Variants in C6orf132 observed in about 807,000 individuals in gnomAD.
The protein encoded by C6orf132 is chromosome 6 open reading frame 132.
Under a neutral mutation model 65.3 loss-of-function variants are expected in C6orf132, and 43 were observed. The observed-to-expected ratio is 0.66, with a 90% CI of 0.52 to 0.85. The LOEUF is 0.85. C6orf132 is among the 40% of genes least tolerant of loss of function. The probability of loss-of-function intolerance (pLI) is 0.00; values close to 1 mark genes in which losing one functional copy is unlikely to be tolerated. For missense variants in C6orf132, 1,488 were observed against 1,548.8 expected, an observed-to-expected ratio of 0.96 and a Z score of 0.66; for synonymous variants, 631 against 654.1, an observed-to-expected ratio of 0.96 and a Z score of 0.54.
At chr6:42,116,281 A>G (rs941133213) in intron 2 of C6orf132, among the ~76,000 whole-genome samples, 3 of 152,190 alleles carry the variant, frequency 2.0e-5, no homozygotes, top group African/African-American at 7.2e-5. Context: ...CAGCCCAATG[A>G]GACAGGTGCT....
chr6:42,125,509 G>C (rs1317267108), intron 2 of C6orf132, among the ~76,000 whole-genome samples: 1 of 152,192 alleles, frequency 6.6e-6, no homozygotes, highest in Admixed American at 6.5e-5. Context: ...TCCCCGGTTA[G>C]CCAGCACCGA....
At chr6:42,140,583 A>G (rs2127481055) in intron 1 of C6orf132, among the ~76,000 whole-genome samples, 1 of 152,310 alleles carries the variant, frequency 6.6e-6, no homozygotes. Context: ...ATGTTCTAAA[A>G]CCAGATGGTG....
intron 1 of C6orf132, among the ~76,000 whole-genome samples, chr6:42,135,435 C>T (rs1002840174): frequency 2.6e-5 from 4 of 152,202 alleles, no homozygotes; most frequent in East Asian, 3.9e-4. Flanking sequence ...CAGCTCCGGG[C>T]GAGCTGAGAG....
intron 2 of C6orf132, among the ~76,000 whole-genome samples, chr6:42,128,081 C>T (rs2127478383): frequency 6.8e-6 from 1 of 147,928 alleles, no homozygotes; most frequent in East Asian, 2.0e-4. Context: ...CTTGCCACTA[C>T]ACCGGCTATT....
At chr6:42,120,436 C>T (rs1384949771) in intron 2 of C6orf132, among the ~76,000 whole-genome samples, 3 of 151,768 alleles carry the variant, frequency 2.0e-5, no homozygotes, top group Admixed American at 1.3e-4. Context: ...TTAGTAGAGA[C>T]GGGGTTTCAC....
At chr6:42,119,248 C>CAAA (rs1156356191) in intron 2 of C6orf132, among the ~76,000 whole-genome samples, 5 of 44,776 alleles carry the variant, frequency 1.1e-4, no homozygotes, top group African/African-American at 2.0e-4. Context: ...GACTCTGTCT[C>CAAA]AAAAAAAAAA....
intron 2 of C6orf132, among the ~76,000 whole-genome samples, chr6:42,111,985 C>A (rs1408806334): frequency 6.6e-6 from 1 of 150,768 alleles, no homozygotes; most frequent in African/African-American, 2.5e-5. Context: ...TCACCTATTA[C>A]ACCCATCCCA....
chr6:42,118,892 T>G (rs1766630728), intron 2 of C6orf132, among the ~76,000 whole-genome samples: 1 of 132,310 alleles, frequency 7.6e-6, no homozygotes, highest in East Asian at 2.0e-4. Flanking sequence ...TTTTTTTTTT[T>G]AGAGATAGGA....
In C6orf132 at chr6:42,103,788, TGA is replaced by T. The variant is rs1297180834; in HGVS notation, c.3538_3539del (p.Ser1180ArgfsTer15). 4.8e-6 allele frequency: 7 copies of T among 1,464,248 alleles called. No individual in the cohort carries two copies. In the South Asian group the frequency reaches 5.4e-5, roughly 11 times the overall value. The allele number at this position is 1,464,248 out of a possible 1,614,324, so 90.7% of individuals were successfully genotyped here. ...AGGAGGTGGCTTTCCGATGGGCCCC[TGA>T]GCAGACATAGGAGATGGGATGGCGG... The part of the protein sequence containing the change: ...GTRHPISYVC[S>X]GAHRKATS On this transcript the variant is annotated frameshift_variant, in exon 5 of 5. Transcript: ENST00000341865. LOFTEE classifies it high-confidence loss of function.
At position 42,106,215 on chromosome 6, in the gene C6orf132, A is replaced by C. The variant is rs919909481; in HGVS notation, c.1697T>G (p.Ile566Ser). 1 of 1,537,020 alleles carries C rather than the reference A, an allele frequency of 6.5e-7. No homozygotes were observed. Among genetic ancestry groups the C allele is most frequent in the African/African-American group, 1.4e-5 (1 of 73,026 alleles). ...QDSPTPSVRQ[I>S]RNELEARLSS... Reference sequence around the variant, plus strand: ...GAGCCGGGCCTCCAGCTCATTCCGGATCTGCCGCACACTGGGAGTTGGAGA... The same window carrying C: ...GAGCCGGGCCTCCAGCTCATTCCGGCTCTGCCGCACACTGGGAGTTGGAGA... The change falls in exon 4 of 5, where the codon ATC (isoleucine) becomes AGC (serine). Residue 566 changes from isoleucine to serine, a missense_variant. Ile to Ser is a moderately radical substitution (Grantham distance 142). Coordinates refer to ENST00000341865, the MANE Select transcript of C6orf132 (RefSeq NM_001164446.3).
In C6orf132 at chr6:42,106,121, C is replaced by T; in HGVS notation, c.1791G>A (p.Gly597=). Reference sequence around the variant, plus strand: ...CAGCCCCGTTTTCACAAATTCTTCCCCCTTCTAGCCGAGGCTTAGGGGGCA... The same window carrying T: ...CAGCCCCGTTTTCACAAATTCTTCCTCCTTCTAGCCGAGGCTTAGGGGGCA... ...GSLPPKPRLE[G]GRICENGADD... Residue 597 remains glycine (G), a synonymous_variant, in exon 4 of 5, where the codon GGG becomes GGA. Transcript: ENST00000341865. 1 of 1,537,274 alleles carries T rather than the reference C, an allele frequency of 6.5e-7. No homozygotes were observed. Among genetic ancestry groups the T allele is most frequent in the Non-Finnish European group, 8.7e-7 (1 of 1,146,920 alleles).
In C6orf132 at chr6:42,138,390, C is replaced by T. The variant is rs559646302; in HGVS notation, c.145+3910G>A. 3.5e-4 allele frequency among the ~76,000 whole-genome samples: 53 copies of T among 152,176 alleles called. 1 individual carries two copies. The highest frequency in any genetic ancestry group is 6.6e-4 in the Non-Finnish European group (45 of 68,048). ...TTCTGCAACCTCTGCCTCCTGAACTCGAGCAGTCCTCCCGCCTCAGCCTCC... is the reference window on the plus strand; with the variant it reads ...TTCTGCAACCTCTGCCTCCTGAACTTGAGCAGTCCTCCCGCCTCAGCCTCC... On this transcript the variant is annotated intron_variant, in intron 1 of 4. Transcript: ENST00000341865.
intron 2 of C6orf132, among the ~76,000 whole-genome samples, chr6:42,122,898 C>T (rs1043320121): frequency 2.0e-5 from 3 of 152,154 alleles, no homozygotes; most frequent in Non-Finnish European, 4.4e-5. Context: ...CCAGGCAGCT[C>T]TCACCGCCCA....
Position 42,103,638 on chromosome 6 carries a change from A to C in C6orf132, c.*123T>G, listed in dbSNP as rs1434947640. 2 of 487,190 alleles carry C rather than the reference A, an allele frequency of 4.1e-6. No homozygotes were observed. The highest frequency in any genetic ancestry group is 2.0e-5 in the African/African-American group (1 of 49,408). The allele number at this position is 487,190 out of a possible 1,614,324, so 30.2% of individuals were successfully genotyped here. ...CATCGTTGGTCTTTGGGGATCAAAG[A>C]CTCCTCTGTGTCTGAGTCAGGTCGC... On this transcript the variant is annotated 3_prime_UTR_variant, in exon 5 of 5. Transcript: ENST00000341865.
In C6orf132 at chr6:42,142,397, C is replaced by G. The variant is rs932550486; in HGVS notation, c.48G>C (p.Gly16=). Residue 16 remains glycine, a synonymous_variant, in exon 1 of 5, where the codon GGG becomes GGC. Transcript: ENST00000341865. ...TGCTGGGGGTCGTGGTGTGCTTCTTCCCGAAGAGTTTGCTGAAGGTGCCCT... is the reference window on the plus strand; with the variant it reads ...TGCTGGGGGTCGTGGTGTGCTTCTTGCCGAAGAGTTTGCTGAAGGTGCCCT... ...TVQGTFSKLF[G]KKHTTTPSTS... is the part of the protein sequence containing the mutation. 3 of 1,551,348 alleles carry G rather than the reference C, an allele frequency of 1.9e-6. No individual in the cohort carries two copies. The highest frequency in any genetic ancestry group is 2.6e-6 in the Non-Finnish European group (3 of 1,146,856).
rs775650809 is a variant in C6orf132, at chr6:42,106,644, G to A, written c.1268C>T (p.Ala423Val). 4.6e-6 allele frequency: 7 copies of A among 1,518,564 alleles called. 1 individual carries two copies. The highest frequency in any genetic ancestry group is 2.4e-5 in the South Asian group (2 of 83,578). 94.1% of individuals were successfully genotyped at this position (1,518,564 alleles called of 1,614,324 possible). ...AAPPLPCAQK[A>V]AHPPAGFTKT... The stretch of plus-strand genomic sequence containing the variant: ...TGTAAACCCAGCAGGTGGATGGGCT[G>A]CCTTCTGAGCACAGGGCAAAGGAGG... The change falls in exon 4 of 5, where the codon GCA (alanine) becomes GTA (valine). Residue 423 changes from alanine (A) to valine (V), a missense_variant. Transcript: ENST00000341865.
At chr6:42,141,486 T>C (rs1767027819) in intron 1 of C6orf132, among the ~76,000 whole-genome samples, 1 of 152,164 alleles carries the variant, frequency 6.6e-6, no homozygotes, top group Admixed American at 6.5e-5. Flanking sequence ...AACGATGCAA[T>C]GATAAGATGA....
chr6:42,141,379 C>A (rs575959250), intron 1 of C6orf132, among the ~76,000 whole-genome samples: 1 of 152,210 alleles, frequency 6.6e-6, no homozygotes. Context: ...CCCTGCCCCC[C>A]CAACCTGGGC....
intron 1 of C6orf132, among the ~76,000 whole-genome samples, chr6:42,133,380 G>A (rs1187523907): frequency 6.6e-6 from 1 of 152,208 alleles, no homozygotes; most frequent in Non-Finnish European, 1.5e-5. Flanking sequence ...GGCTTTTTCT[G>A]GAAAAGTCCT....
Sources: gnomAD v4.1 joint callset for allele counts (sites outside exome capture counted in the v4.1 genomes callset) on GRCh38, gnomAD v4.1.1 for gene constraint, MANE v1.5 for transcripts, NCBI Gene and HGNC (gene_info 2026-07-23, HGNC 2026-07-21) for gene names.